Variants in ATXN1 observed in about 807,000 individuals in gnomAD.
ATXN1 encodes ataxin 1.
A neutral mutation model predicts 56.4 loss-of-function variants in ATXN1; 8 were observed. The observed-to-expected ratio is 0.14, with a 90% CI of 0.08 to 0.26. The LOEUF (loss-of-function observed/expected upper bound fraction) is 0.26, where lower values mean the gene tolerates loss of function less well. ATXN1 is among the 10% of genes least tolerant of loss of function. The probability of loss-of-function intolerance (pLI) is 1.00; values close to 1 mark genes in which losing one functional copy is unlikely to be tolerated. For missense variants in ATXN1, 987 were observed against 1,106.5 expected (o/e 0.89, Z 1.53); for synonymous variants, 514 against 494.6 (o/e 1.04, Z -0.52).
At position 16,730,487 on chromosome 6, in the gene ATXN1, G is replaced by GTGTGTATATATATATATATATATATATA. The variant is rs141836403; in HGVS notation, c.-615+22745_-615+22746insTATATATATATATATATATATATACACA. Among the ~76,000 whole-genome samples, 50 of 132,046 alleles carry GTGTGTATATATATATATATATATATATA rather than the reference G, an allele frequency of 3.8e-4. 1 individual carries two copies. Among genetic ancestry groups the GTGTGTATATATATATATATATATATATA allele is most frequent in the Non-Finnish European group, 5.6e-4 (34 of 60,342 alleles). 86.6% of individuals were successfully genotyped at this position (132,046 alleles called of 152,430 possible). ...CTGGAGTTAAAGGGTAAAACAGTAT[G>GTGTGTATATATATATATATATATATATA]TATATATATATATATATATAAATGT... On this transcript the variant is annotated intron_variant, in intron 2 of 7. Transcript: ENST00000436367.
chr6:16,386,402 A>T (rs1421037472), intron 6 of ATXN1, among the ~76,000 whole-genome samples: 1 of 152,250 alleles, frequency 6.6e-6, no homozygotes, highest in African/African-American at 2.4e-5. Flanking sequence ...GAACATTTTA[A>T]CATATTTGCA....
intron 2 of ATXN1, among the ~76,000 whole-genome samples, chr6:16,731,410 T>C (rs1759973141): frequency 6.8e-6 from 1 of 147,120 alleles, no homozygotes; most frequent in African/African-American, 2.5e-5. Context: ...ATCACAAGCA[T>C]GTGCAGATTA....
intron 3 of ATXN1, among the ~76,000 whole-genome samples, chr6:16,637,722 A>C (rs1200269617): frequency 6.6e-6 from 1 of 152,220 alleles, no homozygotes; most frequent in Non-Finnish European, 1.5e-5. Flanking sequence ...TATATAGTTC[A>C]GTTCTGCTAA....
intron 2 of ATXN1, among the ~76,000 whole-genome samples, chr6:16,675,666 A>G (rs1381032798): frequency 6.6e-6 from 1 of 152,112 alleles, no homozygotes; most frequent in Non-Finnish European, 1.5e-5. Context: ...GGATCATTTG[A>G]GGTCAGGAGT....
intron 6 of ATXN1, among the ~76,000 whole-genome samples, chr6:16,474,864 A>T (rs6939612): frequency 0.62 from 92,197 of 148,754 alleles, 28,950 homozygotes; most frequent in Middle Eastern, 0.66. Context: ...ACACACACAC[A>T]CTCTCTCTCT....
intron 6 of ATXN1, among the ~76,000 whole-genome samples, chr6:16,340,358 C>G (rs1299931462): frequency 2.0e-5 from 3 of 152,334 alleles, no homozygotes; most frequent in East Asian, 3.9e-4. Context: ...AATAAAAACT[C>G]TAGATGCTGA....
intron 6 of ATXN1, among the ~76,000 whole-genome samples, chr6:16,331,416 G>A (rs555722086): frequency 7.4e-4 from 113 of 152,300 alleles, no homozygotes; most frequent in Non-Finnish European, 1.4e-3. Context: ...CTTAAGAAAG[G>A]GAATGCCAAA....
rs371116237 is a variant in ATXN1 at position 16,452,350 on chromosome 6, G to C, written c.-161+33622C>G. 2.6e-5 allele frequency among the ~76,000 whole-genome samples: 4 copies of C among 152,350 alleles called. No homozygotes were observed. In the East Asian group the frequency reaches 7.7e-4, roughly 29 times the overall value. On this transcript the variant is annotated intron_variant, in intron 6 of 7. Transcript: ENST00000436367. ...AAATACGGTTCAGAATTCATAACTA[G>C]TAATGAATGATATGAGAAAGTAAAC...
chr6:16,394,594 GTCTTC>G (rs935678972), intron 6 of ATXN1, among the ~76,000 whole-genome samples: 1 of 152,104 alleles, frequency 6.6e-6, no homozygotes, highest in Admixed American at 6.6e-5. Flanking sequence ...GTTTTCTGCA[GTCTTC>G]TCTTAAGGAC....
At chr6:16,320,218 G>A (rs1760615884) in intron 7 of ATXN1, among the ~76,000 whole-genome samples, 1 of 151,994 alleles carries the variant, frequency 6.6e-6, no homozygotes, top group East Asian at 1.9e-4. Context: ...ACAGCTCACA[G>A]AAGTCAACCA....
At chr6:16,411,371 G>A (rs1373439957) in intron 6 of ATXN1, among the ~76,000 whole-genome samples, 1 of 152,032 alleles carries the variant, frequency 6.6e-6, no homozygotes, top group Non-Finnish European at 1.5e-5. Context: ...ATTAAAGTCA[G>A]TGCAAGATCT....
intron 6 of ATXN1, among the ~76,000 whole-genome samples, chr6:16,331,174 T>C (rs1453031968): frequency 1.3e-5 from 2 of 152,158 alleles, no homozygotes; most frequent in Non-Finnish European, 2.9e-5. Flanking sequence ...CTAATTTTTG[T>C]ATTTTTAGTA....
chr6:16,357,369 A>G lies in ATXN1; in HGVS notation c.-160-28899T>C, dbSNP rs573140676. 6.6e-5 allele frequency among the ~76,000 whole-genome samples: 10 copies of G among 151,982 alleles called. No individual in the cohort carries two copies. The East Asian group carries it at 1.5e-3, about 24-fold the overall frequency. On this transcript the variant is annotated intron_variant, in intron 6 of 7. Transcript: ENST00000436367. The stretch of plus-strand genomic sequence containing the variant: ...ACTGCAACCTCTGCCTCCCGGGTTC[A>G]AGCGGTTCTTCTGCCTCAGCCTCCT...
At chr6:16,739,023 T>G (rs908354935) in intron 2 of ATXN1, 3 of 152,176 alleles carry the variant, frequency 2.0e-5, no homozygotes, top group African/African-American at 7.2e-5. Context: ...TAACATTCCA[T>G]GGGCTGAACT....
intron 6 of ATXN1, among the ~76,000 whole-genome samples, chr6:16,387,083 A>T (rs912981622): frequency 3.9e-5 from 6 of 152,246 alleles, no homozygotes; most frequent in African/African-American, 1.4e-4. Flanking sequence ...GCAGATGCTT[A>T]GTGCATGTTA....
intron 5 of ATXN1, among the ~76,000 whole-genome samples, chr6:16,520,110 G>A (rs1182784239): frequency 1.3e-5 from 2 of 152,140 alleles, no homozygotes; most frequent in African/African-American, 4.8e-5. Context: ...GCGCTGGCAA[G>A]AGCATTTCCC....
At position 16,524,977 on chromosome 6, in the gene ATXN1, G is replaced by A. The variant is rs370740835; in HGVS notation, c.-360-2289C>T. On this transcript the variant is annotated intron_variant, in intron 4 of 7. Transcript: ENST00000436367. Reference sequence around the variant, plus strand: ...TGAGGCAGGAAAATTGCTTGAACTCGGGAGGCAGAAGTTGCAGTGAGCCAA... The same window carrying A: ...TGAGGCAGGAAAATTGCTTGAACTCAGGAGGCAGAAGTTGCAGTGAGCCAA... 3.7e-4 allele frequency among the ~76,000 whole-genome samples: 57 copies of A among 152,228 alleles called. 1 individual carries two copies. The East Asian group carries it at 7.5e-3, about 20-fold the overall frequency.
intron 6 of ATXN1, among the ~76,000 whole-genome samples, chr6:16,458,622 T>C (rs749021169): frequency 6.6e-6 from 1 of 152,104 alleles, no homozygotes; most frequent in Non-Finnish European, 1.5e-5. Context: ...GCAGCCTCAG[T>C]CATGGCCCTC....
chr6:16,653,249 T>C (rs914767066), intron 3 of ATXN1, among the ~76,000 whole-genome samples: 1 of 152,210 alleles, frequency 6.6e-6, no homozygotes, highest in African/African-American at 2.4e-5. Context: ...AGACCAGGCA[T>C]GCCCTTGCTG....
Sources: allele counts gnomAD v4.1 joint callset (sites outside exome capture counted in the v4.1 genomes callset), GRCh38; gene constraint gnomAD v4.1.1; transcripts MANE v1.5; gene names NCBI Gene and HGNC (gene_info 2026-07-23, HGNC 2026-07-21).